RGS6: variants seen among roughly 807,000 people sequenced by gnomAD.
The protein encoded by RGS6 is regulator of G protein signaling 6.
RGS6 carries 30 observed loss-of-function variants against 78.5 expected under a neutral mutation model. The ratio of observed to expected loss-of-function variants is 0.38; its 90% CI spans 0.29 to 0.52. RGS6 has a LOEUF of 0.52. RGS6 is among the 20% of genes least tolerant of loss of function. The pLI is 0.85. For missense variants in RGS6, 495 were observed against 609.7 expected, an observed-to-expected ratio of 0.81 and a Z score of 1.98; for synonymous variants, 206 against 206.0, an observed-to-expected ratio of 1.00 and a Z score of 0.00.
intron 2 of RGS6, among the ~76,000 whole-genome samples, chr14:72,100,037 A>G (rs773283480): frequency 3.3e-5 from 5 of 152,190 alleles, no homozygotes; most frequent in East Asian, 1.9e-4. Context: ...AGTAAGAGTC[A>G]GGAAAATTGG....
chr14:72,309,018 A>G (rs1405679653), intron 2 of RGS6, among the ~76,000 whole-genome samples: 4 of 152,178 alleles, frequency 2.6e-5, no homozygotes, highest in African/African-American at 9.7e-5. Context: ...TGCGATGTGT[A>G]ATTGGTTTTA....
At chr14:72,337,093 G>A (rs148006624) in intron 2 of RGS6, among the ~76,000 whole-genome samples, 13 of 152,122 alleles carry the variant, frequency 8.5e-5, no homozygotes, top group Non-Finnish European at 1.8e-4. Context: ...CATAACAAGG[G>A]GATTCCCAAA....
chr14:72,589,320 C>G, the RGS6 span, among the ~76,000 whole-genome samples: 2 of 152,200 alleles, frequency 1.3e-5, no homozygotes, highest in Admixed American at 6.5e-5. Context: ...GAGGCCAAGG[C>G]AGGTATATCA....
the RGS6 span, among the ~76,000 whole-genome samples, chr14:71,907,641 T>C: frequency 6.7e-6 from 1 of 150,300 alleles, no homozygotes; most frequent in African/African-American, 2.5e-5. Flanking sequence ...TTCAGATTTA[T>C]GTGGGGAGAT....
chr14:72,057,028 T>C (rs1038732755), intron 2 of RGS6, among the ~76,000 whole-genome samples: 1 of 152,024 alleles, frequency 6.6e-6, no homozygotes, highest in African/African-American at 2.4e-5. Flanking sequence ...TTAAGAATGT[T>C]TGCGGCCTGG....
At chr14:71,881,660 A>G in the RGS6 span, among the ~76,000 whole-genome samples, 1 of 152,162 alleles carries the variant, frequency 6.6e-6, no homozygotes, top group Non-Finnish European at 1.5e-5. Context: ...AGCCATGTGG[A>G]ATTGTGAGTC....
chr14:72,407,315 G>T (rs907534559), intron 3 of RGS6, among the ~76,000 whole-genome samples: 10 of 152,188 alleles, frequency 6.6e-5, no homozygotes, highest in Non-Finnish European at 1.2e-4. Context: ...TAGGCTTGTC[G>T]TTTGGAGAAC....
Position 72,465,807 on chromosome 14 carries a change from G to C in RGS6, c.444G>C (p.Leu148=), listed in dbSNP as rs111681213. The C allele has an allele frequency of 2.5e-3, 3,980 of 1,613,318 alleles. 90 individuals carry two copies. In the African/African-American group the frequency reaches 0.043, roughly 18 times the overall value. ...RTMQNKARLE[L]ADYEAENLAR... ...TGCAAAATAAAGCAAGGCTGGAACT[G>C]GCAGATTATGAAGCAGTAAGTATGA... The change falls in exon 7 of 18, where the codon CTG becomes CTC. Residue 148 remains leucine (L), a synonymous_variant. Transcript: ENST00000553525.
chr14:72,483,381 C>G (rs1366492816), intron 12 of RGS6, among the ~76,000 whole-genome samples: 3 of 152,158 alleles, frequency 2.0e-5, no homozygotes, highest in African/African-American at 7.2e-5. Flanking sequence ...CAGCTGACTG[C>G]TGAATTGATT....
At chr14:72,599,274 C>T in the RGS6 span, among the ~76,000 whole-genome samples, 1 of 152,122 alleles carries the variant, frequency 6.6e-6, no homozygotes, top group Non-Finnish European at 1.5e-5. Flanking sequence ...TCCCGTTCAT[C>T]GCATGGTGCC....
chr14:72,398,711 A>C (rs1328818974), intron 3 of RGS6, among the ~76,000 whole-genome samples: 2 of 152,154 alleles, frequency 1.3e-5, no homozygotes, highest in African/African-American at 4.8e-5. Context: ...TTCCCTCTAC[A>C]CACTGCTTTG....
At chr14:72,145,819 T>C (rs2096599959) in intron 2 of RGS6, among the ~76,000 whole-genome samples, 1 of 152,100 alleles carries the variant, frequency 6.6e-6, no homozygotes, top group African/African-American at 2.4e-5. Context: ...TGTAAAATTA[T>C]AAGTGTGGTA....
At chr14:72,627,390 C>T in the RGS6 span, among the ~76,000 whole-genome samples, 1 of 152,078 alleles carries the variant, frequency 6.6e-6, no homozygotes, top group Non-Finnish European at 1.5e-5. Context: ...TGTCCCAGCA[C>T]CATTCATTTA....
At chr14:71,900,406 G>T in the RGS6 span, among the ~76,000 whole-genome samples, 1 of 152,096 alleles carries the variant, frequency 6.6e-6, no homozygotes, top group Non-Finnish European at 1.5e-5. Flanking sequence ...ACTGGCTTTT[G>T]GTCTCCCAGA....
chr14:72,228,702 G>C (rs1324614341), intron 2 of RGS6, among the ~76,000 whole-genome samples: 1 of 152,142 alleles, frequency 6.6e-6, no homozygotes, highest in Non-Finnish European at 1.5e-5. Flanking sequence ...GTTAGGGACT[G>C]AGCAAAGAGG....
chr14:71,960,804 T>C (rs2093133934), intron 1 of RGS6, among the ~76,000 whole-genome samples: 1 of 152,230 alleles, frequency 6.6e-6, no homozygotes, highest in Admixed American at 6.5e-5. Context: ...CCTGTGTGTG[T>C]GCATAGCCTT....
intron 7 of RGS6, among the ~76,000 whole-genome samples, chr14:72,466,121 C>A (rs1263102211): frequency 6.6e-6 from 1 of 152,112 alleles, no homozygotes; most frequent in African/African-American, 2.4e-5. Flanking sequence ...GATAAATAAA[C>A]CCATGAAAAG....
chr14:72,364,767 CAAG>C (rs1469418967), intron 3 of RGS6, among the ~76,000 whole-genome samples: 1 of 152,166 alleles, frequency 6.6e-6, no homozygotes, highest in Non-Finnish European at 1.5e-5. Flanking sequence ...TGGAAGAAGG[CAAG>C]AAGATGGAGA....
intron 2 of RGS6, among the ~76,000 whole-genome samples, chr14:72,053,864 C>T (rs1048649336): frequency 3.9e-5 from 6 of 152,154 alleles, no homozygotes; most frequent in Admixed American, 3.3e-4. Flanking sequence ...AAATTGCTGA[C>T]CTTACACTTA....
Sources: gnomAD v4.1 joint callset for allele counts (sites outside exome capture counted in the v4.1 genomes callset) on GRCh38, gnomAD v4.1.1 for gene constraint, MANE v1.5 for transcripts, NCBI Gene and HGNC (gene_info 2026-07-23, HGNC 2026-07-21) for gene names.